The following FAM171A1 variants were observed in gnomAD, a reference collection of about 807,000 sequenced individuals.
FAM171A1 encodes family with sequence similarity 171 member A1.
Under a neutral mutation model 74.9 loss-of-function variants are expected in FAM171A1, and 23 were observed. The observed-to-expected ratio is 0.31, with a 90% CI of 0.22 to 0.44. The LOEUF is 0.44. FAM171A1 is among the 20% of genes least tolerant of loss of function. The pLI is 1.00. For missense variants in FAM171A1, 1,162 were observed against 1,159.2 expected, an observed-to-expected ratio of 1.00 and a Z score of -0.03; for synonymous variants, 527 against 505.7, an observed-to-expected ratio of 1.04 and a Z score of -0.57.
intron 4 of FAM171A1, among the ~76,000 whole-genome samples, chr10:15,251,907 C>T (rs1044678807): frequency 3.3e-5 from 5 of 152,104 alleles, no homozygotes; most frequent in Admixed American, 2.0e-4. Flanking sequence ...GATCGTGTTG[C>T]GGGGCAGAAC....
chr10:15,362,736 AAAAAC>A (rs1836009872), intron 1 of FAM171A1, among the ~76,000 whole-genome samples: 1 of 152,210 alleles, frequency 6.6e-6, no homozygotes, highest in African/African-American at 2.4e-5. Context: ...AAACAAAAAC[AAAAAC>A]AAAACATTAC....
chr10:15,304,543 C>T (rs1418825690), intron 1 of FAM171A1, among the ~76,000 whole-genome samples: 3 of 152,082 alleles, frequency 2.0e-5, no homozygotes, highest in African/African-American at 4.8e-5. Context: ...CTGCTGCGGC[C>T]GCATACCCTG....
At chr10:15,329,461 G>C (rs1038389829) in intron 1 of FAM171A1, among the ~76,000 whole-genome samples, 4 of 151,952 alleles carry the variant, frequency 2.6e-5, no homozygotes, top group Non-Finnish European at 4.4e-5. Context: ...GACCAGCCTG[G>C]GTAACATGGT....
intron 1 of FAM171A1, among the ~76,000 whole-genome samples, chr10:15,358,491 G>A (rs891076976): frequency 1.8e-4 from 28 of 152,080 alleles, no homozygotes; most frequent in Non-Finnish European, 2.9e-4. Context: ...CAGTCGCTGG[G>A]TTCAAACATG....
At chr10:15,364,372 C>T (rs1227051755) in intron 1 of FAM171A1, among the ~76,000 whole-genome samples, 1 of 152,090 alleles carries the variant, frequency 6.6e-6, no homozygotes, top group African/African-American at 2.4e-5. Flanking sequence ...TGGTGGGTGT[C>T]CTTGAGGTGG....
intron 1 of FAM171A1, among the ~76,000 whole-genome samples, chr10:15,354,791 A>G (rs1009789870): frequency 1.3e-4 from 20 of 152,200 alleles, no homozygotes; most frequent in African/African-American, 4.8e-4. Flanking sequence ...CGATAGGTGA[A>G]TGGTACAAGC....
intron 3 of FAM171A1, among the ~76,000 whole-genome samples, chr10:15,268,084 C>T (rs72776168): frequency 3.3e-4 from 50 of 152,254 alleles, no homozygotes; most frequent in Non-Finnish European, 5.6e-4. Context: ...GTGGGAAGCC[C>T]TGTGTGTATA....
At chr10:15,344,890 G>A (rs10737096) in intron 1 of FAM171A1, among the ~76,000 whole-genome samples, 149,919 of 152,320 alleles carry the variant, frequency 0.98, 73,818 homozygotes, top group Middle Eastern at 1. Context: ...CCTAAGAATA[G>A]GCAGAATATT....
intron 1 of FAM171A1, among the ~76,000 whole-genome samples, chr10:15,331,290 G>A (rs1053287703): frequency 2.0e-5 from 3 of 152,162 alleles, no homozygotes; most frequent in African/African-American, 4.8e-5. Flanking sequence ...AAACGAAGAA[G>A]CTGCGGCCTA....
At chr10:15,297,406 C>T (rs1233425464) in intron 1 of FAM171A1, among the ~76,000 whole-genome samples, 2 of 152,090 alleles carry the variant, frequency 1.3e-5, no homozygotes, top group Non-Finnish European at 1.5e-5. Flanking sequence ...TCTTTCTCAC[C>T]CCAATCCCTG....
chr10:15,363,126 A>G (rs1836016142), intron 1 of FAM171A1, among the ~76,000 whole-genome samples: 1 of 152,190 alleles, frequency 6.6e-6, no homozygotes. Context: ...GGATAAAGGA[A>G]ACGCTTTAGA....
At chr10:15,216,558 A>C (rs1833969383) in intron 6 of FAM171A1, among the ~76,000 whole-genome samples, 1 of 152,012 alleles carries the variant, frequency 6.6e-6, no homozygotes, top group Non-Finnish European at 1.5e-5. Flanking sequence ...AGCCTCCAGC[A>C]TAGCTGGGAC....
intron 1 of FAM171A1, among the ~76,000 whole-genome samples, chr10:15,307,491 A>C (rs1293978187): frequency 6.6e-6 from 1 of 151,926 alleles, no homozygotes; most frequent in East Asian, 1.9e-4. Flanking sequence ...CTAAAAACAC[A>C]GCAAATTAGC....
rs1564616739 is a variant in FAM171A1, at chr10:15,229,738, CCCCCATCACCATCAT to C, written c.755-8693_755-8679del. Among the ~76,000 whole-genome samples the C allele has an allele frequency of 2.0e-4, 7 of 34,892 alleles. 1 individual carries two copies. Among genetic ancestry groups the C allele is most frequent in the Non-Finnish European group, 3.3e-4 (5 of 15,212 alleles). 22.9% of individuals were successfully genotyped at this position (34,892 alleles called of 152,430 possible). The stretch of plus-strand genomic sequence containing the variant: ...ACCACCATCACCATCATCACCATCA[CCCCCATCACCATCAT>C]CACCATCACCACCATCACCATCATC... On this transcript the variant is annotated intron_variant, in intron 5 of 7. Transcript: ENST00000378116.
At chr10:15,309,797 A>G (rs1405244748) in intron 1 of FAM171A1, among the ~76,000 whole-genome samples, 1 of 152,242 alleles carries the variant, frequency 6.6e-6, no homozygotes, top group Non-Finnish European at 1.5e-5. Flanking sequence ...AATGTGAAAA[A>G]CAAATGAATT....
At chr10:15,355,884 CAT>C (rs950592325) in intron 1 of FAM171A1, among the ~76,000 whole-genome samples, 1 of 152,082 alleles carries the variant, frequency 6.6e-6, no homozygotes, top group African/African-American at 2.4e-5. Flanking sequence ...CACACACACA[CAT>C]GCATGTATAC....
chr10:15,218,552 A>C (rs964283369), intron 6 of FAM171A1, among the ~76,000 whole-genome samples: 1 of 152,120 alleles, frequency 6.6e-6, no homozygotes, highest in African/African-American at 2.4e-5. Context: ...GATGACTGAC[A>C]TATGTATCCC....
At chr10:15,367,030 C>T (rs557441024) in intron 1 of FAM171A1, among the ~76,000 whole-genome samples, 1 of 152,126 alleles carries the variant, frequency 6.6e-6, no homozygotes, top group African/African-American at 2.4e-5. Context: ...AACCCCTTAT[C>T]TACTAAAAAT....
chr10:15,274,709 C>T (rs1219718314), intron 3 of FAM171A1, among the ~76,000 whole-genome samples: 2 of 152,160 alleles, frequency 1.3e-5, no homozygotes, highest in Non-Finnish European at 2.9e-5. Context: ...TGGAACAGAA[C>T]AGAGCCCTTA....
Sources: gnomAD v4.1 joint callset for allele counts (sites outside exome capture counted in the v4.1 genomes callset) on GRCh38, gnomAD v4.1.1 for gene constraint, MANE v1.5 for transcripts, NCBI Gene and HGNC (gene_info 2026-07-23, HGNC 2026-07-21) for gene names.